Variants in PLXND1 observed in about 807,000 individuals in gnomAD.
PLXND1 encodes plexin-D1.
Under a neutral mutation model 197.7 loss-of-function variants are expected in PLXND1, and 54 were observed. The observed-to-expected ratio is 0.27, with a 90% CI of 0.22 to 0.34. The LOEUF is 0.34. PLXND1 is among the 10% of genes least tolerant of loss of function. The pLI is 1.00. For missense variants in PLXND1, 2,127 were observed against 2,699.2 expected, an observed-to-expected ratio of 0.79 and a Z score of 4.70; for synonymous variants, 1,180 against 1,161.2, an observed-to-expected ratio of 1.02 and a Z score of -0.33.
At position 129,605,874 on chromosome 3, in the gene PLXND1, C is replaced by T. The variant is rs760123698; in HGVS notation, c.766G>A (p.Asp256Asn). The change falls in exon 1 of 36, where the codon GAC becomes AAC. Residue 256 changes from aspartate (D) to asparagine (N), a missense_variant. Asp to Asn is a conservative substitution (Grantham distance 23). Coordinates refer to ENST00000324093, the MANE Select transcript of PLXND1 (RefSeq NM_015103.3). ...ATGTTGTCGTCGGAGGGGTTGAGGT[C>T]GAAGGTGAAGAGCTTGGCCAGGTCG... The part of the protein sequence containing the change: ...RGDLAKLFTF[D>N]LNPSDDNILK... 1 of 1,613,678 alleles carries T rather than the reference C, an allele frequency of 6.2e-7. No homozygotes were observed. The highest frequency in any genetic ancestry group is 8.5e-7 in the Non-Finnish European group (1 of 1,179,914).
In PLXND1 at chr3:129,557,058, AT is replaced by A. The variant is rs774823567; in HGVS notation, c.5586+24del. On this transcript the variant is annotated intron_variant, in intron 34 of 35. Coordinates refer to ENST00000324093, the MANE Select transcript of PLXND1 (RefSeq NM_015103.3). This position sits in a 1 kb window ranked among gnomAD's most constrained non-coding sequence, Gnocchi z 4.8. ...CGATCCCTCAGCTCTTCAGGCCCCC[AT>A]CCCCCGCCGCCGAGCCACCGCACCC... is the stretch of plus-strand genomic sequence containing the variant. The A allele has an allele frequency of 1.6e-5, 26 of 1,603,052 alleles. No individual in the cohort carries two copies. The East Asian group carries it at 2.9e-4, about 18-fold the overall frequency.
At chr3:129,575,366 C>T in intron 11 of PLXND1, 103 bp downstream of exon 11, 1 of 699,850 alleles carries the variant, frequency 1.4e-6, no homozygotes, top group South Asian at 1.6e-5. Context: ...TGGGGTGGGA[C>T]ATCTGCGGCT....
intron 1 of PLXND1, among the ~76,000 whole-genome samples, chr3:129,600,966 C>T (rs1331200588): frequency 6.6e-6 from 1 of 152,046 alleles, no homozygotes; most frequent in Non-Finnish European, 1.5e-5. Flanking sequence ...TGTCGGTATT[C>T]CTTTTGTTTT....
intron 1 of PLXND1, among the ~76,000 whole-genome samples, chr3:129,602,102 T>C (rs953314319): frequency 6.6e-6 from 1 of 152,190 alleles, no homozygotes; most frequent in African/African-American, 2.4e-5. Flanking sequence ...AGGCGCCAGG[T>C]ACATAAATGA....
chr3:129,563,763 G>C (rs537272132), intron 25 of PLXND1, among the ~76,000 whole-genome samples: 4 of 152,364 alleles, frequency 2.6e-5, no homozygotes, highest in African/African-American at 9.6e-5. Flanking sequence ...TGGCCCTCCA[G>C]GCAGTGGCTC....
rs1324553006 is a variant in PLXND1 at position 129,555,543 on chromosome 3, G to T, written c.*769C>A. 9.1e-6 allele frequency: 6 copies of T among 662,380 alleles called. No individual in the cohort carries two copies. The highest frequency in any genetic ancestry group is 1.6e-5 in the Non-Finnish European group (6 of 373,618). The allele number at this position is 662,380 out of a possible 1,614,324, so 41.0% of individuals were successfully genotyped here. A position where few individuals can be genotyped will look rare whatever the true frequency, so the allele number is the denominator to read the frequency against. On this transcript the variant is annotated 3_prime_UTR_variant, in exon 36 of 36. Transcript: ENST00000324093. ...ATGATACGTTTTTTAATATATAAAA[G>T]CTTTAAAAAAAAAAGTGGTGCTATC... is the stretch of plus-strand genomic sequence containing the variant.
At chr3:129,605,261 T>TACCC in intron 1 of PLXND1, 68 bp downstream of exon 1, 2 of 493,834 alleles carry the variant, frequency 4.0e-6, no homozygotes, top group Non-Finnish European at 3.1e-6. Context: ...CCCGCTCGGT[T>TACCC]CCCGCCCGCC....
At chr3:129,597,288 G>A (rs1283089995) in intron 1 of PLXND1, among the ~76,000 whole-genome samples, 1 of 152,136 alleles carries the variant, frequency 6.6e-6, no homozygotes, top group East Asian at 1.9e-4. Context: ...TGGTTGCCAG[G>A]AAATCAGCCG....
Position 129,558,882 on chromosome 3 carries a change from C to CCTGGCTCCT in PLXND1, c.5298-316_5298-308dup, listed in dbSNP as rs1255565219. On this transcript the variant is annotated intron_variant, in intron 32 of 35. Coordinates refer to ENST00000324093, the MANE Select transcript of PLXND1 (RefSeq NM_015103.3). This position sits in a 1 kb window ranked among gnomAD's most constrained non-coding sequence, Gnocchi z 4.1. Reference sequence around the variant, plus strand: ...AACCAGGTGCCGGCCCCCGGGCACCCCTGGCTCCTCCCTGAACCCTTGCAG... The same window carrying CCTGGCTCCT: ...AACCAGGTGCCGGCCCCCGGGCACCCCTGGCTCCTCTGGCTCCTCCCTGAACCCTTGCAG... Among the ~76,000 whole-genome samples, 8 of 152,136 alleles carry CCTGGCTCCT rather than the reference C, an allele frequency of 5.3e-5. No individual in the cohort carries two copies. The highest frequency in any genetic ancestry group is 7.4e-5 in the Non-Finnish European group (5 of 68,012).
Position 129,558,742 on chromosome 3 carries a change from G to A in PLXND1, c.5298-167C>T, listed in dbSNP as rs190060182. Reference sequence around the variant, plus strand: ...TAGTTTGCCTATCCCTGGCCAGCTGGGGTGCAGTGGGGCTGAGAGCCCGGT... The same window carrying A: ...TAGTTTGCCTATCCCTGGCCAGCTGAGGTGCAGTGGGGCTGAGAGCCCGGT... On this transcript the variant is annotated intron_variant, in intron 32 of 35. Transcript: ENST00000324093. This position sits in a 1 kb window ranked among gnomAD's most constrained non-coding sequence, Gnocchi z 4.1. 120 of 632,864 alleles carry A rather than the reference G, an allele frequency of 1.9e-4. No homozygotes were observed. In the African/African-American group the frequency reaches 2.0e-3, roughly 11 times the overall value. The allele number at this position is 632,864 out of a possible 1,614,324, so 39.2% of individuals were successfully genotyped here. A position where few individuals can be genotyped will look rare whatever the true frequency, so the allele number is the denominator to read the frequency against.
intron 8 of PLXND1, among the ~76,000 whole-genome samples, chr3:129,579,838 C>T (rs953301588): frequency 2.0e-5 from 3 of 152,198 alleles, no homozygotes; most frequent in African/African-American, 7.2e-5. Flanking sequence ...CTTCTTTATT[C>T]TACACCAGAT....
intron 1 of PLXND1, among the ~76,000 whole-genome samples, chr3:129,590,929 C>A (rs2085531472): frequency 6.6e-6 from 1 of 152,234 alleles, no homozygotes; most frequent in South Asian, 2.1e-4. Context: ...ATCTTTAGGG[C>A]AAAGCTTTAA....
At chr3:129,594,112 G>A (rs991738853) in intron 1 of PLXND1, among the ~76,000 whole-genome samples, 1 of 152,218 alleles carries the variant, frequency 6.6e-6, no homozygotes. Context: ...AACAGTGGGC[G>A]CTGCGGCAGG....
chr3:129,555,726 G>T lies in PLXND1; in HGVS notation c.*586C>A. The T allele has an allele frequency of 5.9e-6, 3 of 511,760 alleles. No individual in the cohort carries two copies. In the South Asian group the frequency reaches 8.8e-5, roughly 15 times the overall value. 31.7% of individuals were successfully genotyped at this position (511,760 alleles called of 1,614,324 possible). A position where few individuals can be genotyped will look rare whatever the true frequency, so the allele number is the denominator to read the frequency against. ...GGAGAAGCCCACAGAGCACCCCATG[G>T]CGCGGGCACTGCCCACTCTACCAAC... On this transcript the variant is annotated 3_prime_UTR_variant, in exon 36 of 36. Coordinates refer to ENST00000324093, the MANE Select transcript of PLXND1 (RefSeq NM_015103.3).
intron 8 of PLXND1, among the ~76,000 whole-genome samples, chr3:129,582,552 G>A (rs1578339108): frequency 6.6e-6 from 1 of 152,194 alleles, no homozygotes; most frequent in Non-Finnish European, 1.5e-5. Context: ...AGGTCTGAGA[G>A]GGGACGAGCT....
chr3:129,556,323 T>G lies in PLXND1; in HGVS notation c.5767A>C (p.Ser1923Arg), dbSNP rs149917682. Residue 1923 changes from serine to arginine, a missense_variant, in exon 36 of 36, where the codon AGT becomes CGT. This residue lies in a region of PLXND1 where 200 missense variants were observed against 303.3 expected (regional missense o/e 0.66). Transcript: ENST00000324093. ...ACTCTCCATGTGTCTCAGGCCTCACTGTAGCACTCGTAGATGTTGTCCTCC... is the reference window on the plus strand; with the variant it reads ...ACTCTCCATGTGTCTCAGGCCTCACGGTAGCACTCGTAGATGTTGTCCTCC... ...LMEDNIYECY[S>R]EA is the part of the protein sequence containing the mutation. 11 of 1,609,356 alleles carry G rather than the reference T, an allele frequency of 6.8e-6. No homozygotes were observed. The highest frequency in any genetic ancestry group is 9.4e-6 in the Non-Finnish European group (11 of 1,175,680).
intron 11 of PLXND1, among the ~76,000 whole-genome samples, 186 bp from the exon 12 acceptor site, chr3:129,574,676 G>C (rs1298498459): frequency 9.9e-5 from 15 of 152,198 alleles, no homozygotes; most frequent in Admixed American, 7.9e-4. Context: ...CCAAACCCCT[G>C]GGGCCTGTGC....
chr3:129,595,326 G>A (rs946467635), intron 1 of PLXND1, among the ~76,000 whole-genome samples: 1 of 152,248 alleles, frequency 6.6e-6, no homozygotes, highest in Non-Finnish European at 1.5e-5. Context: ...CTGTGTGCCA[G>A]CCCTGGGAGG....
At chr3:129,588,213 C>T (rs912495245) in intron 2 of PLXND1, among the ~76,000 whole-genome samples, 1 of 152,224 alleles carries the variant, frequency 6.6e-6, no homozygotes, top group Non-Finnish European at 1.5e-5. Flanking sequence ...CAATCATTTC[C>T]CCTCTCAGAG....
Sources: allele counts gnomAD v4.1 joint callset (sites outside exome capture counted in the v4.1 genomes callset), GRCh38; gene constraint gnomAD v4.1.1; regional missense constraint gnomAD v4.1.1; non-coding constraint Gnocchi (gnomAD v3.1); transcripts MANE v1.5; gene names NCBI Gene and HGNC (gene_info 2026-07-23, HGNC 2026-07-21).